The following LEPR variants were observed in gnomAD, a reference collection of about 807,000 sequenced individuals.
LEPR encodes the protein leptin receptor, also known as OB receptor.
LEPR carries 56 observed loss-of-function variants against 114.7 expected under a neutral mutation model. The observed-to-expected ratio is 0.49, with a 90% CI of 0.39 to 0.61. LEPR has a LOEUF of 0.61. Ranked by LOEUF, LEPR falls within the 20% of genes least tolerant of loss-of-function variation. The pLI, the probability that LEPR is intolerant of heterozygous loss-of-function variation, is 0.00. For missense variants in LEPR, 1,202 were observed against 1,352.9 expected (o/e 0.89, Z 1.75); for synonymous variants, 443 against 461.4 (o/e 0.96, Z 0.51).
intron 2 of LEPR, among the ~76,000 whole-genome samples, chr1:65,520,948 C>G (rs930612124): frequency 1.3e-5 from 2 of 152,200 alleles, no homozygotes; most frequent in Non-Finnish European, 2.9e-5. Context: ...GTTCCTTGCT[C>G]TCATTCCGGT....
intron 2 of LEPR, chr1:65,434,041 TTATAC>T: frequency 1.0e-6 from 1 of 985,344 alleles, no homozygotes; most frequent in Non-Finnish European, 1.2e-6. Flanking sequence ...TTTTTGTTGC[TTATAC>T]ACATTTTCAA....
At chr1:65,590,488 A>G (rs1215929527) in intron 5 of LEPR, among the ~76,000 whole-genome samples, 2 of 151,264 alleles carry the variant, frequency 1.3e-5, no homozygotes, top group African/African-American at 4.9e-5. Flanking sequence ...CTTCACTATT[A>G]TGGCGGTTAC....
At chr1:65,541,689 G>A (rs1557649715) in intron 2 of LEPR, among the ~76,000 whole-genome samples, 2 of 152,166 alleles carry the variant, frequency 1.3e-5, no homozygotes, top group Non-Finnish European at 2.9e-5. Context: ...TGAAGAAATA[G>A]TGTTTTTCAG....
chr1:65,425,055 T>C (rs745410338), intron 1 of LEPR, among the ~76,000 whole-genome samples: 10 of 152,238 alleles, frequency 6.6e-5, no homozygotes, highest in Non-Finnish European at 1.5e-5. Context: ...CTTTTTTATT[T>C]TAGTAAATGT....
Position 65,640,922 on chromosome 1 carries a change from C to G in LEPR, c.*3907C>G, listed in dbSNP as rs1187726478. 1 of 137,590 alleles carries G rather than the reference C, an allele frequency of 7.3e-6. No individual in the cohort carries two copies. Among genetic ancestry groups the G allele is most frequent in the Non-Finnish European group, 1.6e-5 (1 of 63,140 alleles). The allele number at this position is 137,590 out of a possible 1,614,324, so 8.5% of individuals were successfully genotyped here. ...ATTACGGGCACACCACCATGCCCAG[C>G]TTTTATTTATTTATTTATTTATTTT... On this transcript the variant is annotated 3_prime_UTR_variant, in exon 20 of 20. Transcript: ENST00000349533.
intron 2 of LEPR, among the ~76,000 whole-genome samples, chr1:65,539,185 T>C (rs1415304547): frequency 6.6e-6 from 1 of 151,946 alleles, no homozygotes; most frequent in Non-Finnish European, 1.5e-5. Context: ...ATTATTCCTT[T>C]GTTATTTTAT....
intron 2 of LEPR, among the ~76,000 whole-genome samples, chr1:65,493,312 C>CTTG (rs202194256): frequency 0.01 from 1,554 of 152,120 alleles, 13 homozygotes; most frequent in Non-Finnish European, 0.015. Flanking sequence ...GGTTTTCCTA[C>CTTG]TTGTTCTCTT....
intron 7 of LEPR, 106 bp from the exon 8 acceptor site, chr1:65,598,554 G>A (rs1656237063): frequency 6.6e-7 from 1 of 1,504,988 alleles, no homozygotes; most frequent in African/African-American, 1.4e-5. Flanking sequence ...TAACTACTGT[G>A]TAAGATATTA....
Position 65,425,978 on chromosome 1 carries a change from C to T in LEPR, c.-21+600C>T, listed in dbSNP as rs182836497. 3.1e-3 allele frequency among the ~76,000 whole-genome samples: 474 copies of T among 152,218 alleles called. 2 individuals carry two copies. Among genetic ancestry groups the T allele is most frequent in the South Asian group, 5.4e-3 (26 of 4,822 alleles). The stretch of plus-strand genomic sequence containing the variant: ...AACTAGGGATTAAGACATAAGAAAA[C>T]AAAGGTCCTGCTCTCTCAGAGTTTG... On this transcript the variant is annotated intron_variant, in intron 2 of 19. Coordinates refer to ENST00000349533, the MANE Select transcript of LEPR (RefSeq NM_002303.6).
At chr1:65,518,925 C>CTTTCTCTT (rs768551999) in intron 2 of LEPR, among the ~76,000 whole-genome samples, 8 of 124,890 alleles carry the variant, frequency 6.4e-5, no homozygotes, top group African/African-American at 2.1e-4. Flanking sequence ...TTCTCTCTTT[C>CTTTCTCTT]TCTGTTTCTT....
At chr1:65,488,206 T>TTC (rs1258299548) in intron 2 of LEPR, among the ~76,000 whole-genome samples, 638 of 31,654 alleles carry the variant, frequency 0.02, 26 homozygotes, top group Middle Eastern at 0.056. Context: ...CTTTCTTTCT[T>TTC]TCTTTCTCTC....
intron 19 of LEPR, 95 bp downstream of exon 19, chr1:65,623,076 A>C: frequency 8.3e-7 from 1 of 1,204,328 alleles, no homozygotes; most frequent in Non-Finnish European, 1.2e-6. Flanking sequence ...AAGATTTAAA[A>C]GGTCATATTT....
In LEPR at chr1:65,632,398, T is replaced by C. The variant is rs145867603; in HGVS notation, c.2674-3793T>C. Among the ~76,000 whole-genome samples the C allele has an allele frequency of 5.2e-3, 788 of 152,272 alleles. 8 individuals carry two copies. Among genetic ancestry groups the C allele is most frequent in the African/African-American group, 0.018 (764 of 41,548 alleles). ...CTTGTTCCTTATAGCCCTCAGGTTATGAGGAACCAGGAGAGAGTATAAATT... is the reference window on the plus strand; with the variant it reads ...CTTGTTCCTTATAGCCCTCAGGTTACGAGGAACCAGGAGAGAGTATAAATT... On this transcript the variant is annotated intron_variant, in intron 19 of 19. Transcript: ENST00000349533.
intron 2 of LEPR, among the ~76,000 whole-genome samples, chr1:65,535,392 G>A (rs1249174345): frequency 1.3e-5 from 2 of 151,278 alleles, no homozygotes; most frequent in Non-Finnish European, 2.9e-5. Flanking sequence ...TTAAGACAGT[G>A]TCTCGCTCTA....
At chr1:65,537,699 GTATAT>G (rs771473520) in intron 2 of LEPR, among the ~76,000 whole-genome samples, 8 of 151,894 alleles carry the variant, frequency 5.3e-5, no homozygotes, top group Non-Finnish European at 1.0e-4. Flanking sequence ...ATCTCTCCTT[GTATAT>G]TATAACACCT....
intron 2 of LEPR, among the ~76,000 whole-genome samples, chr1:65,518,939 TTCTC>T (rs1270430755): frequency 6.7e-6 from 1 of 149,828 alleles, no homozygotes; most frequent in African/African-American, 2.5e-5. Context: ...GTTTCTTTCT[TTCTC>T]TTTCTTCTTT....
intron 1 of LEPR, chr1:65,421,480 T>C: frequency 6.5e-7 from 1 of 1,536,126 alleles, no homozygotes; most frequent in Non-Finnish European, 8.7e-7. Context: ...ATTCCATTTC[T>C]AATCTGTCGA....
chr1:65,495,520 T>C (rs1575986), intron 2 of LEPR, among the ~76,000 whole-genome samples: 103,094 of 152,016 alleles, frequency 0.68, 36,147 homozygotes, highest in Middle Eastern at 0.82. Context: ...ACTGGAACTA[T>C]CATATGATCC....
Position 65,640,432 on chromosome 1 carries a change from A to C in LEPR, c.*3417A>C, listed in dbSNP as rs1463627798. ...TTTCTCAGCTATTTATTATTGAGAA[A>C]GCCCATTCTTAAATTTTAAGTCACA... is the stretch of plus-strand genomic sequence containing the variant. On this transcript the variant is annotated 3_prime_UTR_variant, in exon 20 of 20. Coordinates refer to ENST00000349533, the MANE Select transcript of LEPR (RefSeq NM_002303.6). 1 of 152,234 alleles carries C rather than the reference A, an allele frequency of 6.6e-6. No homozygotes were observed. Among genetic ancestry groups the C allele is most frequent in the Non-Finnish European group, 1.5e-5 (1 of 68,046 alleles). 9.4% of individuals were successfully genotyped at this position (152,234 alleles called of 1,614,324 possible). A position where few individuals can be genotyped will look rare whatever the true frequency, so the allele number is the denominator to read the frequency against.
Sources: gnomAD v4.1 joint callset for allele counts (sites outside exome capture counted in the v4.1 genomes callset) on GRCh38, gnomAD v4.1.1 for gene constraint, MANE v1.5 for transcripts, NCBI Gene and HGNC (gene_info 2026-07-23, HGNC 2026-07-21) for gene names.